The following NPAS3 variants were observed in gnomAD, a reference collection of about 807,000 sequenced individuals.
NPAS3 encodes neuronal PAS domain-containing protein 3.
Under a neutral mutation model 73.1 loss-of-function variants are expected in NPAS3, and 14 were observed. The ratio of observed to expected loss-of-function variants is 0.19; its 90% CI spans 0.13 to 0.30. The LOEUF is 0.30. Among genes scored for constraint, NPAS3 ranks in the 10% least tolerant of loss-of-function variants. The probability of loss-of-function intolerance (pLI) is 1.00; values close to 1 mark genes in which losing one functional copy is unlikely to be tolerated. For synonymous variants in NPAS3, 620 were observed against 541.5 expected, an observed-to-expected ratio of 1.14 and a Z score of -2.01; for missense variants, 1,096 against 1,250.0, an observed-to-expected ratio of 0.88 and a Z score of 1.86.
At chr14:33,789,584 T>TTTTTTTC in intron 9 of NPAS3, among the ~76,000 whole-genome samples, 1 of 39,736 alleles carries the variant, frequency 2.5e-5, no homozygotes, top group African/African-American at 2.4e-4. Flanking sequence ...AGAGTACAAC[T>TTTTTTTC]TTTTTTTTTT....
chr14:33,014,263 G>A (rs1177516109), intron 1 of NPAS3, among the ~76,000 whole-genome samples: 1 of 152,074 alleles, frequency 6.6e-6, no homozygotes, highest in Non-Finnish European at 1.5e-5. Flanking sequence ...ATAAGGAAGG[G>A]AATTGTTTAT....
chr14:33,659,362 C>T (rs1361616782), intron 5 of NPAS3, among the ~76,000 whole-genome samples: 1 of 152,150 alleles, frequency 6.6e-6, no homozygotes, highest in Non-Finnish European at 1.5e-5. Flanking sequence ...CGTTAATGAC[C>T]AGTGCCTTCT....
At chr14:33,485,140 C>T (rs746130060) in intron 4 of NPAS3, among the ~76,000 whole-genome samples, 25 of 152,040 alleles carry the variant, frequency 1.6e-4, no homozygotes, top group Admixed American at 1.2e-3. Context: ...CATGTATAGA[C>T]GGTTTCTCCT....
chr14:33,770,352 A>C (rs2138435162), intron 7 of NPAS3, among the ~76,000 whole-genome samples: 1 of 152,318 alleles, frequency 6.6e-6, no homozygotes, highest in South Asian at 2.1e-4. Flanking sequence ...GGGAATTCAC[A>C]TGTTAACAAA....
chr14:33,203,486 A>C (rs1312372425), intron 2 of NPAS3, among the ~76,000 whole-genome samples: 2 of 151,912 alleles, frequency 1.3e-5, no homozygotes, highest in African/African-American at 2.4e-5. Flanking sequence ...CACACCCCAC[A>C]ACAGGCCCCG....
At chr14:33,217,004 C>A (rs899242264) in intron 3 of NPAS3, among the ~76,000 whole-genome samples, 8 of 152,156 alleles carry the variant, frequency 5.3e-5, no homozygotes, top group Non-Finnish European at 1.0e-4. Flanking sequence ...AATGGATAAA[C>A]AAAAAAGGTT....
At chr14:33,053,076 A>G (rs2040766509) in intron 1 of NPAS3, among the ~76,000 whole-genome samples, 1 of 152,202 alleles carries the variant, frequency 6.6e-6, no homozygotes, top group South Asian at 2.1e-4. Context: ...TGTAATTGTT[A>G]AGGCGTCATC....
At position 33,508,291 on chromosome 14, in the gene NPAS3, T is replaced by C. The variant is rs192446559; in HGVS notation, c.469-51830T>C. ...ACAAAATCATATCTGTTCTTATAAT[T>C]ACGTGACAAATCACGCCTTCCAGAT... On this transcript the variant is annotated intron_variant, in intron 4 of 11. Transcript: ENST00000356141. Among the ~76,000 whole-genome samples, 550 of 152,146 alleles carry C rather than the reference T, an allele frequency of 3.6e-3. 1 individual carries two copies. Among genetic ancestry groups the C allele is most frequent in the Non-Finnish European group, 5.9e-3 (403 of 67,974 alleles).
At chr14:33,582,065 C>T (rs1340098398) in intron 5 of NPAS3, 1 of 152,106 alleles carries the variant, frequency 6.6e-6, no homozygotes, top group Non-Finnish European at 1.5e-5. Flanking sequence ...TATATGTACC[C>T]ATTCTTATAC....
chr14:33,258,585 G>T (rs1006180973), intron 3 of NPAS3, among the ~76,000 whole-genome samples: 1 of 152,158 alleles, frequency 6.6e-6, no homozygotes, highest in South Asian at 2.1e-4. Context: ...TGATTCATTA[G>T]AATTGTCCAT....
intron 2 of NPAS3, among the ~76,000 whole-genome samples, chr14:33,118,943 C>A (rs879547910): frequency 6.6e-6 from 1 of 151,636 alleles, no homozygotes; most frequent in East Asian, 1.9e-4. Flanking sequence ...AGATCCTCTG[C>A]AGTTCAGTTT....
chr14:32,939,271 G>A (rs371624512), upstream of NPAS3: 113 of 710,852 alleles, frequency 1.6e-4, 1 homozygote, highest in African/African-American at 1.6e-3. Context: ...CACCCGGGAG[G>A]GGGGAGAGAG....
intron 2 of NPAS3, among the ~76,000 whole-genome samples, chr14:33,209,326 A>T (rs926206659): frequency 1.3e-5 from 2 of 152,118 alleles, no homozygotes; most frequent in African/African-American, 4.8e-5. Flanking sequence ...AGCTGATTTG[A>T]TTGACTTTGA....
intron 6 of NPAS3, among the ~76,000 whole-genome samples, chr14:33,711,044 C>G (rs928345867): frequency 3.3e-5 from 5 of 152,162 alleles, no homozygotes; most frequent in African/African-American, 1.2e-4. Context: ...GTTTCCAACT[C>G]TCTCACCTTC....
chr14:33,675,955 G>A (rs2059750543), intron 5 of NPAS3, among the ~76,000 whole-genome samples: 1 of 151,662 alleles, frequency 6.6e-6, no homozygotes, highest in South Asian at 2.1e-4. Context: ...AGAATGTTTG[G>A]CTTTATGCAA....
At chr14:33,436,317 T>C (rs1317272727) in intron 4 of NPAS3, among the ~76,000 whole-genome samples, 1 of 152,164 alleles carries the variant, frequency 6.6e-6, no homozygotes, top group Admixed American at 6.5e-5. Flanking sequence ...CTTCAATAGA[T>C]ACATGGATTT....
At chr14:33,083,178 CAAAAAAAAAAAAAAAAAAAA>C (rs57147759) in intron 2 of NPAS3, among the ~76,000 whole-genome samples, 7 of 65,028 alleles carry the variant, frequency 1.1e-4, no homozygotes, top group Non-Finnish European at 2.1e-4. Flanking sequence ...GAGACTGTCT[CAAAAAAAAAAAAAAAAAAAA>C]AAAAAAAAAA....
intron 4 of NPAS3, among the ~76,000 whole-genome samples, chr14:33,489,468 AT>A (rs2139798944): frequency 6.6e-6 from 1 of 152,296 alleles, no homozygotes; most frequent in Admixed American, 6.5e-5. Context: ...CAAAAAAGTT[AT>A]GCAATAAGAA....
intron 4 of NPAS3, among the ~76,000 whole-genome samples, chr14:33,433,106 A>G (rs116142147): frequency 0.016 from 2,442 of 152,314 alleles, 59 homozygotes; most frequent in African/African-American, 0.056. Flanking sequence ...TATTAACTAC[A>G]TTTTAAGAAA....
Sources: gnomAD v4.1 joint callset for allele counts (sites outside exome capture counted in the v4.1 genomes callset) on GRCh38, gnomAD v4.1.1 for gene constraint, MANE v1.5 for transcripts, NCBI Gene and HGNC (gene_info 2026-07-23, HGNC 2026-07-21) for gene names.